The following GALNT17 variants were observed in gnomAD, a reference collection of about 807,000 sequenced individuals.
The protein encoded by GALNT17 is polypeptide N-acetylgalactosaminyltransferase 17, also known as UDP-GalNAc:polypeptide N-acetylgalactosaminyltransferase-like 3.
Under a neutral mutation model 63.7 loss-of-function variants are expected in GALNT17, and 29 were observed. The observed-to-expected ratio is 0.46, with a 90% CI of 0.34 to 0.62. The LOEUF is 0.62. GALNT17 is among the 20% of genes least tolerant of loss of function. The pLI, the probability that GALNT17 is intolerant of heterozygous loss-of-function variation, is 0.01. For missense variants in GALNT17, 603 were observed against 799.6 expected, an observed-to-expected ratio of 0.75 and a Z score of 2.97; for synonymous variants, 305 against 318.3, an observed-to-expected ratio of 0.96 and a Z score of 0.45.
intron 1 of GALNT17, among the ~76,000 whole-genome samples, chr7:71,293,271 A>C (rs1791017978): frequency 6.6e-6 from 1 of 151,918 alleles, no homozygotes; most frequent in African/African-American, 2.4e-5. Context: ...TTTTGGGGGG[A>C]ACCACTATAC....
intron 1 of GALNT17, among the ~76,000 whole-genome samples, chr7:71,246,674 C>CA (rs1409221596): frequency 1.3e-5 from 2 of 151,378 alleles, no homozygotes; most frequent in Non-Finnish European, 2.9e-5. Context: ...ACTAAAAATA[C>CA]AAAAAATTAG....
At chr7:71,566,790 C>T (rs1789355654) in intron 5 of GALNT17, among the ~76,000 whole-genome samples, 1 of 151,564 alleles carries the variant, frequency 6.6e-6, no homozygotes, top group Non-Finnish European at 1.5e-5. Flanking sequence ...GGACCGATTG[C>T]AAAGACACAA....
At chr7:71,538,162 A>G (rs1032452629) in intron 5 of GALNT17, among the ~76,000 whole-genome samples, 1 of 152,242 alleles carries the variant, frequency 6.6e-6, no homozygotes, top group Non-Finnish European at 1.5e-5. Flanking sequence ...CTGAACGAAC[A>G]TTGATAATTT....
intron 1 of GALNT17, among the ~76,000 whole-genome samples, chr7:71,220,623 T>C (rs1789565647): frequency 6.6e-6 from 1 of 152,114 alleles, no homozygotes; most frequent in Admixed American, 6.5e-5. Flanking sequence ...TGTCTGTACT[T>C]GGAGATAGGG....
chr7:71,367,772 C>A (rs2116259080), intron 2 of GALNT17, among the ~76,000 whole-genome samples: 1 of 152,348 alleles, frequency 6.6e-6, no homozygotes, highest in South Asian at 2.1e-4. Flanking sequence ...ATGATTTAGG[C>A]TGGAAAACAC....
intron 5 of GALNT17, among the ~76,000 whole-genome samples, chr7:71,548,720 A>G (rs1789027590): frequency 6.6e-6 from 1 of 152,186 alleles, no homozygotes; most frequent in Non-Finnish European, 1.5e-5. Context: ...TAAATTATTC[A>G]GTCTCAGGTA....
intron 6 of GALNT17, among the ~76,000 whole-genome samples, chr7:71,611,731 A>G (rs1054363824): frequency 6.6e-6 from 1 of 152,168 alleles, no homozygotes; most frequent in African/African-American, 2.4e-5. Flanking sequence ...TAGTGCCATG[A>G]AAATGCTAAA....
intron 2 of GALNT17, among the ~76,000 whole-genome samples, chr7:71,341,723 A>T (rs1392950370): frequency 6.6e-6 from 1 of 152,188 alleles, no homozygotes; most frequent in Admixed American, 6.5e-5. Context: ...AAGTAAACCC[A>T]TCGCAAAAAT....
chr7:71,364,597 C>T (rs1040994903), intron 2 of GALNT17, among the ~76,000 whole-genome samples: 5 of 152,068 alleles, frequency 3.3e-5, no homozygotes, highest in Admixed American at 6.6e-5. Context: ...CATTAGAACC[C>T]GTTTTCAATG....
At chr7:71,416,913 T>A (rs1786544167) in intron 4 of GALNT17, among the ~76,000 whole-genome samples, 1 of 152,052 alleles carries the variant, frequency 6.6e-6, no homozygotes, top group Non-Finnish European at 1.5e-5. Flanking sequence ...ATGTGAGAAA[T>A]TGGTTGAGTG....
At chr7:71,168,705 A>ATATGTG (rs373881798) in intron 1 of GALNT17, among the ~76,000 whole-genome samples, 1 of 149,050 alleles carries the variant, frequency 6.7e-6, no homozygotes, top group African/African-American at 2.5e-5. Flanking sequence ...AGTTACGTGT[A>ATATGTG]TGTGTGTGTG....
intron 2 of GALNT17, among the ~76,000 whole-genome samples, chr7:71,372,786 A>G (rs984234614): frequency 1.4e-4 from 22 of 152,170 alleles, no homozygotes; most frequent in African/African-American, 5.1e-4. Context: ...TGGATTGAAT[A>G]TCATATACAG....
chr7:71,183,893 A>G (rs1469887161), intron 1 of GALNT17, among the ~76,000 whole-genome samples: 1 of 152,034 alleles, frequency 6.6e-6, no homozygotes, highest in African/African-American at 2.4e-5. Flanking sequence ...TCCATCTCAA[A>G]AAAAAAAAAT....
intron 9 of GALNT17, among the ~76,000 whole-genome samples, chr7:71,702,484 A>C (rs1791665982): frequency 1.3e-5 from 2 of 152,148 alleles, no homozygotes. Flanking sequence ...GGAAGCTCAG[A>C]AAGCCATTAT....
intron 1 of GALNT17, among the ~76,000 whole-genome samples, chr7:71,307,230 G>T (rs1174930857): frequency 6.6e-6 from 1 of 152,052 alleles, no homozygotes; most frequent in Non-Finnish European, 1.5e-5. Context: ...TTCCATAGGG[G>T]TTGCAGCATT....
At chr7:71,336,649 T>C (rs1157659021) in intron 2 of GALNT17, among the ~76,000 whole-genome samples, 1 of 152,198 alleles carries the variant, frequency 6.6e-6, no homozygotes, top group Non-Finnish European at 1.5e-5. Flanking sequence ...CAACTCCAGG[T>C]TGCCGCAAAG....
chr7:71,311,731 C>G (rs923112637), intron 1 of GALNT17, among the ~76,000 whole-genome samples: 4 of 152,132 alleles, frequency 2.6e-5, no homozygotes, highest in Non-Finnish European at 4.4e-5. Flanking sequence ...CATGAGTATT[C>G]AGTCATTAGG....
intron 1 of GALNT17, among the ~76,000 whole-genome samples, chr7:71,198,383 C>T (rs1179704578): frequency 1.3e-5 from 2 of 152,068 alleles, no homozygotes; most frequent in Non-Finnish European, 2.9e-5. Context: ...ACAGAAAGAC[C>T]TTCAGTTTCT....
chr7:71,452,431 A>C (rs2116554123), intron 5 of GALNT17, among the ~76,000 whole-genome samples: 1 of 152,222 alleles, frequency 6.6e-6, no homozygotes, highest in South Asian at 2.1e-4. Context: ...CTGTAATCCC[A>C]GCTACTCAGG....
Sources: allele counts gnomAD v4.1 joint callset (sites outside exome capture counted in the v4.1 genomes callset), GRCh38; gene constraint gnomAD v4.1.1; transcripts MANE v1.5; gene names NCBI Gene and HGNC (gene_info 2026-07-23, HGNC 2026-07-21).